SASS6: variants seen among roughly 807,000 people sequenced by gnomAD.
SASS6 encodes the protein spindle assembly abnormal protein 6 homolog.
Under a neutral mutation model 94.9 loss-of-function variants are expected in SASS6, and 59 were observed. The observed-to-expected ratio is 0.62, with a 90% CI of 0.50 to 0.77. The LOEUF is 0.77. Ranked by LOEUF, SASS6 falls within the 30% of genes least tolerant of loss-of-function variation. The pLI is 0.00. For synonymous variants in SASS6, 264 were observed against 270.0 expected, an observed-to-expected ratio of 0.98 and a Z score of 0.22; for missense variants, 698 against 734.1, an observed-to-expected ratio of 0.95 and a Z score of 0.57.
chr1:100,094,803 T>C (rs1290438625), intron 14 of SASS6, among the ~76,000 whole-genome samples: 1 of 148,696 alleles, frequency 6.7e-6, no homozygotes, highest in Non-Finnish European at 1.5e-5. Flanking sequence ...GAGGCAGAGG[T>C]TGCAGGGAGC....
chr1:100,088,151 G>A lies in SASS6; in HGVS notation c.1760C>T (p.Thr587Ile). The stretch of plus-strand genomic sequence containing the variant: ...ATTAAGCACTTACTTTTCCTTATCA[G>A]TTGAGCAAGGCATACTAATAGTTGC... ...SGATISMPCS[T>I]DKENGENVGL... is the part of the protein sequence containing the mutation. Residue 587 changes from threonine (T) to isoleucine (I), a missense_variant, in exon 15 of 17, where the codon ACT becomes ATT. Physicochemically the swap from Thr to Ile is moderately conservative, Grantham distance 89. Transcript: ENST00000287482. 2.5e-6 allele frequency: 4 copies of A among 1,577,896 alleles called. No individual in the cohort carries two copies. The highest frequency in any genetic ancestry group is 3.5e-6 in the Non-Finnish European group (4 of 1,147,942).
chr1:100,124,724 C>A (rs987062108), intron 2 of SASS6, among the ~76,000 whole-genome samples: 5 of 152,130 alleles, frequency 3.3e-5, no homozygotes, highest in Non-Finnish European at 7.4e-5. Context: ...GGCCCCCAAC[C>A]TTTTTGGCAC....
chr1:100,102,601 C>T (rs868639488), intron 14 of SASS6, among the ~76,000 whole-genome samples: 1 of 150,548 alleles, frequency 6.6e-6, no homozygotes, highest in African/African-American at 2.5e-5. Flanking sequence ...ATCACTGAAC[C>T]CAGGAGGCAG....
intron 14 of SASS6, chr1:100,099,140 A>G (rs1258876141): frequency 6.6e-6 from 1 of 152,262 alleles, no homozygotes; most frequent in Non-Finnish European, 1.5e-5. Flanking sequence ...CAACTGAATA[A>G]TGCTATCTGT....
rs1207519007 is a variant in SASS6 at position 100,090,088 on chromosome 1, A to G, written c.1675-1852T>C. ...ACTAGAGTAAACACAAAGAAAATAA[A>G]AGAAAGCCAAGAGTAAATATAAAAT... On this transcript the variant is annotated intron_variant, in intron 14 of 16. Transcript: ENST00000287482. Among the ~76,000 whole-genome samples the G allele has an allele frequency of 2.0e-5, 3 of 152,074 alleles. No individual in the cohort carries two copies. The East Asian group carries it at 5.8e-4, about 29-fold the overall frequency.
chr1:100,109,507 G>C (rs1315390860), intron 8 of SASS6, among the ~76,000 whole-genome samples: 1 of 152,024 alleles, frequency 6.6e-6, no homozygotes, highest in African/African-American at 2.4e-5. Context: ...CCCAGGTGAT[G>C]AGTTGATAGG....
intron 7 of SASS6, among the ~76,000 whole-genome samples, chr1:100,111,457 T>C (rs766151201): frequency 4.6e-5 from 7 of 152,096 alleles, no homozygotes; most frequent in Non-Finnish European, 1.0e-4. Context: ...TTCTGCCCTA[T>C]TACGGACATT....
In SASS6 at chr1:100,088,227, T is replaced by C; in HGVS notation, c.1684A>G (p.Asn562Asp). Reference protein sequence around the residue: ...HPGSGTKVQFNLQFTKPNASL... With the variant: ...HPGSGTKVQFDLQFTKPNASL... ...GCATTTGGTTTTGTAAACTGCAAATTAAACTGAACCTGTGAGAAGGAAAAA... is the reference window on the plus strand; with the variant it reads ...GCATTTGGTTTTGTAAACTGCAAATCAAACTGAACCTGTGAGAAGGAAAAA... Residue 562 changes from asparagine (N) to aspartate (D), a missense_variant, in exon 15 of 17, where the codon AAT becomes GAT. Coordinates refer to ENST00000287482, the MANE Select transcript of SASS6 (RefSeq NM_194292.3). 20 of 1,570,378 alleles carry C rather than the reference T, an allele frequency of 1.3e-5. No homozygotes were observed. The highest frequency in any genetic ancestry group is 1.7e-5 in the Non-Finnish European group (19 of 1,140,640).
chr1:100,086,499 TCTATAA>T (rs1651278376), intron 15 of SASS6, among the ~76,000 whole-genome samples: 2 of 147,130 alleles, frequency 1.4e-5, no homozygotes, highest in Admixed American at 1.4e-4. Context: ...AATTGCTCTG[TCTATAA>T]TGATTTGATT....
At position 100,085,275 on chromosome 1, in the gene SASS6, T is replaced by A. The variant is rs190291928; in HGVS notation, c.*53A>T. ...GATCTGGTTTGTGTTGACATATTTT[T>A]TAAGCACCTGAGTTTCTAAAATACC... On this transcript the variant is annotated 3_prime_UTR_variant, in exon 17 of 17. Coordinates refer to ENST00000287482, the MANE Select transcript of SASS6 (RefSeq NM_194292.3). 1 of 1,125,104 alleles carries A rather than the reference T, an allele frequency of 8.9e-7. No individual in the cohort carries two copies. Among genetic ancestry groups the A allele is most frequent in the Non-Finnish European group, 1.4e-6 (1 of 736,986 alleles). The allele number at this position is 1,125,104 out of a possible 1,614,324, so 69.7% of individuals were successfully genotyped here. A position where few individuals can be genotyped will look rare whatever the true frequency, so the allele number is the denominator to read the frequency against.
At chr1:100,128,344 T>C (rs1276013422) in intron 1 of SASS6, among the ~76,000 whole-genome samples, 1 of 152,174 alleles carries the variant, frequency 6.6e-6, no homozygotes, top group Non-Finnish European at 1.5e-5. Context: ...GACGGTGTTT[T>C]ACGGTTTTAA....
intron 1 of SASS6, among the ~76,000 whole-genome samples, chr1:100,127,393 G>A (rs539972196): frequency 2.6e-5 from 4 of 152,288 alleles, no homozygotes; most frequent in African/African-American, 4.8e-5. Context: ...AGTTGATCAA[G>A]GCTAGATTCA....
intron 7 of SASS6, among the ~76,000 whole-genome samples, chr1:100,113,538 G>A (rs540177540): frequency 6.6e-5 from 10 of 151,276 alleles, no homozygotes; most frequent in South Asian, 2.1e-4. Flanking sequence ...GGAGAATGGC[G>A]TGAACCCGGG....
At chr1:100,115,919 T>G (rs141532989) in intron 7 of SASS6, among the ~76,000 whole-genome samples, 2 of 152,308 alleles carry the variant, frequency 1.3e-5, no homozygotes, top group South Asian at 2.1e-4. Flanking sequence ...TATATTATAC[T>G]CCACAAAATT....
At chr1:100,116,558 G>A (rs370922065) in intron 7 of SASS6, among the ~76,000 whole-genome samples, 12 of 152,208 alleles carry the variant, frequency 7.9e-5, no homozygotes, top group African/African-American at 2.6e-4. Context: ...ATGAGTGCAT[G>A]TGTCCACAAA....
chr1:100,121,643 A>G (rs144667418), intron 4 of SASS6, 94 bp from the exon 5 acceptor site: 10,887 of 723,534 alleles, frequency 0.015, 130 homozygotes, highest in Middle Eastern at 0.023. Flanking sequence ...AAGCTCAGGA[A>G]AGGGAGCACA....
chr1:100,112,691 C>G (rs1186317646), intron 7 of SASS6, among the ~76,000 whole-genome samples: 1 of 152,196 alleles, frequency 6.6e-6, no homozygotes, highest in African/African-American at 2.4e-5. Context: ...AGTTTACCTG[C>G]CTCAGCAGAT....
rs1651438978 is a variant in SASS6 at position 100,088,190 on chromosome 1, T to A, written c.1721A>T (p.Asp574Val). The A allele has an allele frequency of 6.2e-7, 1 of 1,608,218 alleles. No individual in the cohort carries two copies. The highest frequency in any genetic ancestry group is 8.5e-7 in the Non-Finnish European group (1 of 1,174,858). ...ACTAATAGTTGCTCCTGACTGAACA[T>A]CTCCTAGTGATGCATTTGGTTTTGT... ...QFTKPNASLG[D>V]VQSGATISMP... is the part of the protein sequence containing the mutation. Residue 574 changes from aspartate to valine, a missense_variant, in exon 15 of 17, where the codon GAT (aspartate) becomes GTT (valine). By Grantham distance (152) the Asp-to-Val change is radical (BLOSUM62 -3). Coordinates refer to ENST00000287482, the MANE Select transcript of SASS6 (RefSeq NM_194292.3).
Position 100,103,097 on chromosome 1 carries a change from CAT to C in SASS6, c.1546-16_1546-15del, listed in dbSNP as rs1491502755. On this transcript the variant is annotated splice_polypyrimidine_tract_variant and intron_variant, in intron 13 of 16. Coordinates refer to ENST00000287482, the MANE Select transcript of SASS6 (RefSeq NM_194292.3). ...TCTACCATCAACCTAAAAATAAAAACATAAAGATGATTAAAGATGATAAATTA... is the reference window on the plus strand; with the variant it reads ...TCTACCATCAACCTAAAAATAAAAACAAAGATGATTAAAGATGATAAATTA... The C allele has an allele frequency of 1.9e-6, 3 of 1,543,560 alleles. No individual in the cohort carries two copies. The South Asian group carries it at 3.5e-5, about 18-fold the overall frequency.
Sources: allele counts gnomAD v4.1 joint callset (sites outside exome capture counted in the v4.1 genomes callset), GRCh38; gene constraint gnomAD v4.1.1; transcripts MANE v1.5; gene names NCBI Gene and HGNC (gene_info 2026-07-23, HGNC 2026-07-21).